MYO7A: variants seen among roughly 807,000 people sequenced by gnomAD.
The protein encoded by MYO7A is unconventional myosin-VIIa.
Under a neutral mutation model 263.8 loss-of-function variants are expected in MYO7A, and 210 were observed. That is an observed-to-expected ratio of 0.80 (90% CI 0.71 to 0.89). MYO7A has a LOEUF of 0.89. Ranked by LOEUF, MYO7A falls within the 40% of genes least tolerant of loss-of-function variation. MYO7A has a pLI of 0.00. For missense variants in MYO7A, 2,820 were observed against 2,968.3 expected (o/e 0.95, Z 1.16); for synonymous variants, 1,239 against 1,197.3 (o/e 1.03, Z -0.72).
intron 14 of MYO7A, among the ~76,000 whole-genome samples, chr11:77,163,279 T>A (rs143889674): frequency 1.5e-3 from 223 of 152,082 alleles, no homozygotes; most frequent in African/African-American, 5.0e-3. Flanking sequence ...CCCGGCCCCC[T>A]GTAACCTGTG....
At chr11:77,200,399 G>A (rs1240439152) in intron 35 of MYO7A, among the ~76,000 whole-genome samples, 2 of 152,314 alleles carry the variant, frequency 1.3e-5, no homozygotes, top group South Asian at 2.1e-4. Context: ...AAGGAAGAGA[G>A]CAGGGGGTGC....
rs1457330957 is a variant in MYO7A at position 77,170,398 on chromosome 11, G to T, written c.1798-2350G>T. On this transcript the variant is annotated intron_variant, in intron 15 of 48. Coordinates refer to ENST00000409709, the MANE Select transcript of MYO7A (RefSeq NM_000260.4). ...GGCAAGGAGGCTGGAGGGGCTGGAG[G>T]GGAGGGAACAGGTGTTACAAAGACC... Among the ~76,000 whole-genome samples, 4 of 152,332 alleles carry T rather than the reference G, an allele frequency of 2.6e-5. No homozygotes were observed. In the East Asian group the frequency reaches 7.7e-4, roughly 29 times the overall value.
In MYO7A at chr11:77,199,442, C is replaced by T. The variant is rs1956907922; in HGVS notation, c.4569-93C>T. Reference sequence around the variant, plus strand: ...TGGGCCATGCCTGACTCTGGCCAGGCCAGCTCTGACTTAGCCTGAGATGTG... The same window carrying T: ...TGGGCCATGCCTGACTCTGGCCAGGTCAGCTCTGACTTAGCCTGAGATGTG... On this transcript the variant is annotated intron_variant, in intron 34 of 48. Transcript: ENST00000409709. The T allele has an allele frequency of 3.7e-6, 5 of 1,347,216 alleles. No individual in the cohort carries two copies. The South Asian group carries it at 8.9e-5, about 24-fold the overall frequency. 83.5% of individuals were successfully genotyped at this position (1,347,216 alleles called of 1,614,324 possible).
intron 44 of MYO7A, chr11:77,209,274 CAA>C (rs1957699350): frequency 6.1e-6 from 1 of 163,838 alleles, no homozygotes; most frequent in African/African-American, 2.4e-5. Context: ...GACAGAGGGA[CAA>C]AGAGACTCAG....
intron 13 of MYO7A, 114 bp from the exon 14 acceptor site, chr11:77,162,739 A>AAT: frequency 7.0e-7 from 1 of 1,420,178 alleles, no homozygotes; most frequent in East Asian, 2.3e-5. Context: ...GTGAGGTAGA[A>AAT]ATAAAAGGAG....
Position 77,198,523 on chromosome 11 carries a change from C to G in MYO7A, c.4470C>G (p.Ile1490Met), listed in dbSNP as rs377738293. 4 of 1,613,770 alleles carry G rather than the reference C, an allele frequency of 2.5e-6. No homozygotes were observed. The African/African-American group carries it at 5.3e-5, about 22-fold the overall frequency. The change falls in exon 34 of 49, where the codon ATC becomes ATG. Residue 1490 changes from isoleucine to methionine, a missense_variant. Coordinates refer to ENST00000409709, the MANE Select transcript of MYO7A (RefSeq NM_000260.4). ...CCAGTCTCCCCAAGAACGACGTCATCGTGGCCGTCAACTGGACGGGTGTGT... is the reference window on the plus strand; with the variant it reads ...CCAGTCTCCCCAAGAACGACGTCATGGTGGCCGTCAACTGGACGGGTGTGT... ...SGPSLPKNDV[I>M]VAVNWTGVYF... is the part of the protein sequence containing the mutation.
intron 14 of MYO7A, 137 bp from the exon 15 acceptor site, chr11:77,165,919 C>A: frequency 1.7e-6 from 1 of 602,954 alleles, no homozygotes; most frequent in South Asian, 1.8e-5. Context: ...CTGTCCCCTC[C>A]AGGCCTCAGG....
chr11:77,179,211 C>T, intron 20 of MYO7A, 82 bp downstream of exon 20: 2 of 1,279,234 alleles, frequency 1.6e-6, no homozygotes, highest in Non-Finnish European at 1.1e-6. Flanking sequence ...CTGGCCTGCA[C>T]CCAGGCAGCA....
chr11:77,177,824 T>C (rs1555080978), intron 19 of MYO7A, among the ~76,000 whole-genome samples, 181 bp downstream of exon 19: 1 of 152,140 alleles, frequency 6.6e-6, no homozygotes, highest in Non-Finnish European at 1.5e-5. Context: ...CATAGATACA[T>C]GATTTACATG....
At chr11:77,174,429 C>T (rs1294200792) in intron 16 of MYO7A, among the ~76,000 whole-genome samples, 1 of 152,148 alleles carries the variant, frequency 6.6e-6, no homozygotes, top group Non-Finnish European at 1.5e-5. Context: ...CACAGGCTCA[C>T]CCCCTCCAGC....
In MYO7A at chr11:77,160,299, G is replaced by A. The variant is rs1555067697; in HGVS notation, c.1200+17G>A. On this transcript the variant is annotated intron_variant, in intron 11 of 48. Transcript: ENST00000409709. ...TTCGTAAAGGTGGGCTGGAGGGAAG[G>A]GGCCGCTTGCTCGCCCTACCCCTTG... The A allele has an allele frequency of 6.4e-7, 1 of 1,550,432 alleles. No homozygotes were observed. Among genetic ancestry groups the A allele is most frequent in the East Asian group, 2.4e-5 (1 of 40,978 alleles).
At chr11:77,169,512 G>C (rs955789698) in intron 15 of MYO7A, among the ~76,000 whole-genome samples, 1 of 152,226 alleles carries the variant, frequency 6.6e-6, no homozygotes, top group Admixed American at 6.5e-5. Context: ...TTTCTGGGGA[G>C]CATTTGACAT....
chr11:77,168,032 G>C (rs574365001), intron 15 of MYO7A, among the ~76,000 whole-genome samples: 2 of 152,112 alleles, frequency 1.3e-5, no homozygotes, highest in Non-Finnish European at 2.9e-5. Context: ...CTGCTGAGAC[G>C]GGCGTAGCTC....
At chr11:77,189,248 C>G (rs1955852608) in intron 27 of MYO7A, 96 bp from the exon 28 acceptor site, 2 of 1,542,946 alleles carry the variant, frequency 1.3e-6, no homozygotes, top group Non-Finnish European at 1.7e-6. Context: ...TTGGAGAGGA[C>G]AGCTGTGTGG....
intron 3 of MYO7A, among the ~76,000 whole-genome samples, chr11:77,146,558 C>A (rs1951579998): frequency 6.6e-6 from 1 of 152,014 alleles, no homozygotes; most frequent in African/African-American, 2.4e-5. Flanking sequence ...ACCTGTTGGA[C>A]TGGGGTGGTG....
Position 77,179,760 on chromosome 11 carries a change from A to G in MYO7A, c.2393A>G (p.Gln798Arg), listed in dbSNP as rs1555082578. Reference protein sequence around the residue: ...GLMRLGFLRLQALHRSRKLHQ... With the variant: ...GLMRLGFLRLRALHRSRKLHQ... Reference sequence around the variant, plus strand: ...ATGCGTCTGGGCTTCCTGCGGCTGCAGGCCCTGCACCGCTCCCGGAAGCTG... The same window carrying G: ...ATGCGTCTGGGCTTCCTGCGGCTGCGGGCCCTGCACCGCTCCCGGAAGCTG... Residue 798 changes from glutamine to arginine, a missense_variant, in exon 21 of 49, where the codon CAG (glutamine) becomes CGG (arginine). Coordinates refer to ENST00000409709, the MANE Select transcript of MYO7A (RefSeq NM_000260.4). 1 of 1,546,028 alleles carries G rather than the reference A, an allele frequency of 6.5e-7. No individual in the cohort carries two copies. The highest frequency in any genetic ancestry group is 8.7e-7 in the Non-Finnish European group (1 of 1,145,706).
At chr11:77,167,085 G>A (rs560773950) in intron 15 of MYO7A, among the ~76,000 whole-genome samples, 4 of 152,296 alleles carry the variant, frequency 2.6e-5, no homozygotes, top group East Asian at 3.9e-4. Context: ...GCTGAGACTC[G>A]GGAAAAGGGC....
chr11:77,163,098 T>C, intron 14 of MYO7A, 110 bp downstream of exon 14: 1 of 1,225,302 alleles, frequency 8.2e-7, no homozygotes, highest in Admixed American at 2.4e-5. Flanking sequence ...AAAATTGTGA[T>C]TATTCATATA....
intron 42 of MYO7A, 58 bp from the exon 43 acceptor site, chr11:77,208,372 A>T (rs761004962): frequency 7.5e-7 from 1 of 1,337,522 alleles, no homozygotes. Context: ...CTTAGGTGGG[A>T]AGGTCAGAAA....
Sources: allele counts gnomAD v4.1 joint callset (sites outside exome capture counted in the v4.1 genomes callset), GRCh38; gene constraint gnomAD v4.1.1; transcripts MANE v1.5; gene names NCBI Gene and HGNC (gene_info 2026-07-23, HGNC 2026-07-21).